Variants in OPRL1 observed in about 807,000 individuals in gnomAD.
The protein encoded by OPRL1 is opioid related nociceptin receptor 1.
A neutral mutation model predicts 15.5 loss-of-function variants in OPRL1; 5 were observed. The ratio of observed to expected loss-of-function variants is 0.32; its 90% CI spans 0.17 to 0.68. The LOEUF is 0.68. Among genes scored for constraint, OPRL1 ranks in the 30% least tolerant of loss-of-function variants. The pLI, the probability that OPRL1 is intolerant of heterozygous loss-of-function variation, is 0.72. For missense variants in OPRL1, 406 were observed against 515.3 expected, an observed-to-expected ratio of 0.79 and a Z score of 2.05; for synonymous variants, 223 against 230.2, an observed-to-expected ratio of 0.97 and a Z score of 0.28.
chr20:64,088,703 G>GATCT (rs2060083596), intron 1 of OPRL1, among the ~76,000 whole-genome samples: 191 of 112,524 alleles, frequency 1.7e-3, no homozygotes, highest in Non-Finnish European at 1.9e-3. Context: ...GGGAGGCCAG[G>GATCT]GTCTGTGCAG....
chr20:64,089,295 G>A lies in OPRL1; in HGVS notation c.-184-2671G>A, dbSNP rs2060097484. Among the ~76,000 whole-genome samples the A allele has an allele frequency of 6.6e-6, 1 of 152,128 alleles. No individual in the cohort carries two copies. The highest frequency in any genetic ancestry group is 6.5e-5 in the Admixed American group (1 of 15,280). On this transcript the variant is annotated intron_variant, in intron 1 of 4. Coordinates refer to ENST00000336866, the MANE Select transcript of OPRL1 (RefSeq NM_182647.4). This position sits in a 1 kb window ranked among gnomAD's most constrained non-coding sequence, Gnocchi z 5.5. ...ACGGCCTTCTGCTGGACCCTGAACG[G>A]CTCCCACAGAGGGAGTTGAGGTCTC...
At chr20:64,088,071 G>A (rs994094024) in intron 1 of OPRL1, among the ~76,000 whole-genome samples, 2 of 152,232 alleles carry the variant, frequency 1.3e-5, no homozygotes, top group Non-Finnish European at 2.9e-5. Flanking sequence ...TGCCTCCTGC[G>A]GGGCTCTGCT....
chr20:64,098,112 G>A lies in OPRL1; in HGVS notation c.544G>A (p.Gly182Ser), dbSNP rs181294764. ...VAIWALASVV[G>S]VPVAIMGSAQ... ...CATCTGGGCCCTGGCCTCTGTTGTC[G>A]GTGTTCCCGTTGCCATCATGGGCTC... Residue 182 changes from glycine (G) to serine (S), a missense_variant, in exon 4 of 5, where the codon GGT (glycine) becomes AGT (serine). Transcript: ENST00000336866. 1.2e-5 allele frequency: 19 copies of A among 1,613,172 alleles called. No individual in the cohort carries two copies. Among genetic ancestry groups the A allele is most frequent in the Admixed American group, 5.0e-5 (3 of 60,026 alleles).
At chr20:64,091,927 C>G (rs1302495269) in intron 1 of OPRL1, 39 bp from the exon 2 acceptor site, 1 of 152,666 alleles carries the variant, frequency 6.6e-6, no homozygotes, top group Non-Finnish European at 1.5e-5. Flanking sequence ...CATAGCCCCT[C>G]CCCTTCTGGA....
rs752880694 is a variant in OPRL1 at position 64,083,454 on chromosome 20, C to G, written c.-185+3102C>G. The G allele has an allele frequency of 6.2e-7, 1 of 1,609,806 alleles. No homozygotes were observed. The highest frequency in any genetic ancestry group is 2.2e-5 in the East Asian group (1 of 44,578). ...TCGCCGTCACCGCGGGAAGATGGTGCCATCCACGTTCTCCTCCAGGATGGT... is the reference window on the plus strand; with the variant it reads ...TCGCCGTCACCGCGGGAAGATGGTGGCATCCACGTTCTCCTCCAGGATGGT... On this transcript the variant is annotated intron_variant, in intron 1 of 4. Coordinates refer to ENST00000336866, the MANE Select transcript of OPRL1 (RefSeq NM_182647.4). This position sits in a 1 kb window ranked among gnomAD's most constrained non-coding sequence, Gnocchi z 4.9.
chr20:64,088,862 G>GAGGCCAGGATCTGTGCAGGGAGGCCAGGA (rs2060089896), intron 1 of OPRL1, among the ~76,000 whole-genome samples: 1 of 17,032 alleles, frequency 5.9e-5, no homozygotes. Context: ...GGAGGGCAGG[G>GAGGCCAGGATCTGTGCAGGGAGGCCAGGA]TCTGTGCAGA....
chr20:64,084,321 G>T, intron 1 of OPRL1: 1 of 1,290,714 alleles, frequency 7.7e-7, no homozygotes, highest in African/African-American at 1.6e-5. Flanking sequence ...CCCAGCTCCC[G>T]CCCGCTGGGC....
In OPRL1 at chr20:64,083,961, C is replaced by G; in HGVS notation, c.-185+3609C>G. 1 of 1,465,784 alleles carries G rather than the reference C, an allele frequency of 6.8e-7. No individual in the cohort carries two copies. Among genetic ancestry groups the G allele is most frequent in the Non-Finnish European group, 9.0e-7 (1 of 1,115,740 alleles). The allele number at this position is 1,465,784 out of a possible 1,614,324, so 90.8% of individuals were successfully genotyped here. ...GGGCGCGGGTCGGGCATGCGGTACC[C>G]CGGTTCCACCGACCCGCACGGGAAG... On this transcript the variant is annotated intron_variant, in intron 1 of 4. Transcript: ENST00000336866. This position sits in a 1 kb window ranked among gnomAD's most constrained non-coding sequence, Gnocchi z 4.9.
At position 64,097,040 on chromosome 20, in the gene OPRL1, CCA is replaced by C. The variant is rs1569278764; in HGVS notation, c.234-761_234-760del. Among the ~76,000 whole-genome samples the C allele has an allele frequency of 0.027, 191 of 7,060 alleles. 6 individuals are homozygous for C. Among genetic ancestry groups the C allele is most frequent in the African/African-American group, 0.062 (64 of 1,026 alleles). The allele number at this position is 7,060 out of a possible 152,430, so 4.6% of individuals were successfully genotyped here. On this transcript the variant is annotated intron_variant, in intron 3 of 4. Transcript: ENST00000336866. The surrounding 1 kb of genome is among the most constrained non-coding windows in gnomAD (Gnocchi z 4.2). ...ACCATCACCATCATCACAGTCATCA[CCA>C]TCATCACCATCATCATCATCACCAC...
intron 3 of OPRL1, among the ~76,000 whole-genome samples, chr20:64,096,948 T>C (rs371113501): frequency 0.038 from 6 of 158 alleles, no homozygotes; most frequent in Non-Finnish European, 0.06. Flanking sequence ...CCACCATCAT[T>C]ACCATCATCA....
rs761100649 is a variant in OPRL1, at chr20:64,082,447, G to A, written c.-185+2095G>A. ...CGAGTGCGCAGGGCTCCACCCCCTGGCCGGGGCTGGGGAGAAACACTGGCT... is the reference window on the plus strand; with the variant it reads ...CGAGTGCGCAGGGCTCCACCCCCTGACCGGGGCTGGGGAGAAACACTGGCT... On this transcript the variant is annotated intron_variant, in intron 1 of 4. Coordinates refer to ENST00000336866, the MANE Select transcript of OPRL1 (RefSeq NM_182647.4). Among the ~76,000 whole-genome samples, 10 of 152,204 alleles carry A rather than the reference G, an allele frequency of 6.6e-5. 1 individual carries two copies. Among genetic ancestry groups the A allele is most frequent in the Non-Finnish European group, 1.3e-4 (9 of 68,028 alleles).
At chr20:64,084,613 C>A (rs4527258) in intron 1 of OPRL1, among the ~76,000 whole-genome samples, 3,535 of 152,306 alleles carry the variant, frequency 0.023, 57 homozygotes, top group Non-Finnish European at 0.034. Flanking sequence ...TCGTTGTGCC[C>A]CTATGTCTGC....
At chr20:64,093,066 C>T (rs1978391861) in intron 3 of OPRL1, 113 bp downstream of exon 3, 3 of 932,866 alleles carry the variant, frequency 3.2e-6, no homozygotes, top group Admixed American at 5.1e-5. Context: ...TCCTGCTTCC[C>T]CCATTCAATG....
At chr20:64,084,830 C>T (rs1047054898) in intron 1 of OPRL1, among the ~76,000 whole-genome samples, 1 of 152,230 alleles carries the variant, frequency 6.6e-6, no homozygotes, top group Non-Finnish European at 1.5e-5. Context: ...AGAGCCACGG[C>T]CAGCCCCAGC....
intron 1 of OPRL1, among the ~76,000 whole-genome samples, 198 bp from the exon 2 acceptor site, chr20:64,091,768 G>A (rs557268945): frequency 1.3e-5 from 2 of 151,726 alleles, no homozygotes; most frequent in Admixed American, 6.6e-5. Context: ...TGGCCTGTGC[G>A]TGTGTGTCTG....
intron 1 of OPRL1, among the ~76,000 whole-genome samples, chr20:64,086,052 G>A (rs2060046284): frequency 6.6e-6 from 1 of 152,120 alleles, no homozygotes; most frequent in African/African-American, 2.4e-5. Flanking sequence ...AAGGTCCCTG[G>A]TCTCCAGAAG....
intron 1 of OPRL1, chr20:64,084,303 A>G (rs939780839): frequency 6.2e-6 from 8 of 1,299,274 alleles, no homozygotes; most frequent in Middle Eastern, 2.9e-4. Context: ...CAGGGCCCCA[A>G]CGTGCGCCCC....
In OPRL1 at chr20:64,083,802, G is replaced by C; in HGVS notation, c.-185+3450G>C. ...TCCCGGTGCGCCCCCTCTGCCCTCCGACCCCCTCGCCTCACCCGCATGCGG... is the reference window on the plus strand; with the variant it reads ...TCCCGGTGCGCCCCCTCTGCCCTCCCACCCCCTCGCCTCACCCGCATGCGG... On this transcript the variant is annotated intron_variant, in intron 1 of 4. Coordinates refer to ENST00000336866, the MANE Select transcript of OPRL1 (RefSeq NM_182647.4). This position sits in a 1 kb window ranked among gnomAD's most constrained non-coding sequence, Gnocchi z 4.9. The C allele has an allele frequency of 1.5e-6, 2 of 1,339,900 alleles. No individual in the cohort carries two copies. The highest frequency in any genetic ancestry group is 1.9e-6 in the Non-Finnish European group (2 of 1,051,704). The allele number at this position is 1,339,900 out of a possible 1,614,324, so 83.0% of individuals were successfully genotyped here. A position where few individuals can be genotyped will look rare whatever the true frequency, so the allele number is the denominator to read the frequency against.
rs924874917 is a variant in OPRL1, at chr20:64,083,937, G to A, written c.-185+3585G>A. ...GGCAGCTCGAGCGACTGCGTCCACG[G>A]GCGCGGGTCGGGCATGCGGTACCCC... On this transcript the variant is annotated intron_variant, in intron 1 of 4. Transcript: ENST00000336866. The surrounding 1 kb of genome is among the most constrained non-coding windows in gnomAD (Gnocchi z 4.9). 8.2e-5 allele frequency: 120 copies of A among 1,456,856 alleles called. No homozygotes were observed. Among genetic ancestry groups the A allele is most frequent in the Middle Eastern group, 4.7e-4 (2 of 4,256 alleles). 90.2% of individuals were successfully genotyped at this position (1,456,856 alleles called of 1,614,324 possible).
Sources: gnomAD v4.1 joint callset for allele counts (sites outside exome capture counted in the v4.1 genomes callset) on GRCh38, gnomAD v4.1.1 for gene constraint, Gnocchi (gnomAD v3.1) non-coding constraint, MANE v1.5 for transcripts, NCBI Gene and HGNC (gene_info 2026-07-23, HGNC 2026-07-21) for gene names.